GNAQ: variants seen among roughly 807,000 people sequenced by gnomAD.
GNAQ encodes G protein subunit alpha q.
Under a neutral mutation model 43.9 loss-of-function variants are expected in GNAQ, and 8 were observed. The observed-to-expected ratio is 0.18, with a 90% confidence interval of 0.11 to 0.33. The LOEUF (loss-of-function observed/expected upper bound fraction) is 0.33. Among genes scored for constraint, GNAQ ranks in the 10% least tolerant of loss-of-function variants. The pLI, the probability that GNAQ is intolerant of heterozygous loss-of-function variation, is 1.00. For synonymous variants in GNAQ, 155 were observed against 170.7 expected (o/e 0.91, Z 0.71); for missense variants, 158 against 450.8 (o/e 0.35, Z 5.88).
chr9:77,933,537 C>T (rs909090319), intron 1 of GNAQ, among the ~76,000 whole-genome samples: 2 of 151,636 alleles, frequency 1.3e-5, no homozygotes, highest in Admixed American at 6.6e-5. Context: ...CCCAGACACT[C>T]GGGAGGCTGA....
intron 1 of GNAQ, among the ~76,000 whole-genome samples, chr9:77,947,278 C>A (rs1217079987): frequency 1.3e-5 from 2 of 152,198 alleles, no homozygotes; most frequent in Non-Finnish European, 2.9e-5. Context: ...GCTATTTCCA[C>A]AAGGAGGCAA....
chr9:77,819,107 C>G (rs1435315369), intron 2 of GNAQ, among the ~76,000 whole-genome samples: 1 of 146,460 alleles, frequency 6.8e-6, no homozygotes, highest in East Asian at 2.1e-4. Flanking sequence ...TTTTAAGTTA[C>G]AGTTAAAATA....
intron 2 of GNAQ, among the ~76,000 whole-genome samples, chr9:77,840,156 G>A (rs1315518455): frequency 6.6e-6 from 1 of 152,160 alleles, no homozygotes; most frequent in East Asian, 1.9e-4. Flanking sequence ...AGTGTATTCA[G>A]TAAATGGTTG....
intron 5 of GNAQ, among the ~76,000 whole-genome samples, chr9:77,744,776 G>T (rs1185107649): frequency 2.6e-5 from 4 of 152,024 alleles, no homozygotes; most frequent in Non-Finnish European, 5.9e-5. Context: ...AACTGAAAAT[G>T]ACTCAACACT....
chr9:77,959,005 T>C (rs1238977830), intron 1 of GNAQ, among the ~76,000 whole-genome samples: 1 of 152,188 alleles, frequency 6.6e-6, no homozygotes, highest in African/African-American at 2.4e-5. Flanking sequence ...GAAATGAGCA[T>C]TTTATTGTGC....
At chr9:77,776,094 C>T (rs1295413547) in intron 5 of GNAQ, among the ~76,000 whole-genome samples, 2 of 152,154 alleles carry the variant, frequency 1.3e-5, no homozygotes, top group Non-Finnish European at 2.9e-5. Flanking sequence ...CTTGCAACAA[C>T]ATAACATTTA....
chr9:77,992,525 A>C (rs1823520690), intron 1 of GNAQ, among the ~76,000 whole-genome samples: 1 of 152,194 alleles, frequency 6.6e-6, no homozygotes, highest in African/African-American at 2.4e-5. Flanking sequence ...AAGACCCAAA[A>C]GTATAAAAAA....
intron 1 of GNAQ, among the ~76,000 whole-genome samples, chr9:77,936,959 G>C (rs1239987810): frequency 6.6e-6 from 1 of 152,122 alleles, no homozygotes; most frequent in Non-Finnish European, 1.5e-5. Flanking sequence ...CAATGATGAA[G>C]TATTCTTCTT....
chr9:77,788,822 G>A (rs188381104), intron 5 of GNAQ, among the ~76,000 whole-genome samples: 9 of 152,292 alleles, frequency 5.9e-5, no homozygotes, highest in Admixed American at 2.6e-4. Context: ...TTATGGCACT[G>A]TCACTGAGGG....
At chr9:77,863,377 T>C (rs1246217420) in intron 2 of GNAQ, among the ~76,000 whole-genome samples, 1 of 152,190 alleles carries the variant, frequency 6.6e-6, no homozygotes, top group Admixed American at 6.5e-5. Flanking sequence ...TCACCTTTGC[T>C]CCAGTTCCCA....
chr9:77,763,141 CAAAAA>C (rs34812363), intron 5 of GNAQ, among the ~76,000 whole-genome samples: 1,944 of 64,892 alleles, frequency 0.03, 28 homozygotes, highest in African/African-American at 0.054. Flanking sequence ...AACAAACAAA[CAAAAA>C]AAAAAAAAAC....
intron 5 of GNAQ, among the ~76,000 whole-genome samples, chr9:77,778,675 T>C (rs1260507072): frequency 2.0e-5 from 3 of 151,844 alleles, no homozygotes; most frequent in Non-Finnish European, 2.9e-5. Flanking sequence ...ACCACATACA[T>C]TGTCTATAAT....
At chr9:77,987,436 G>C (rs887334111) in intron 1 of GNAQ, among the ~76,000 whole-genome samples, 1 of 152,160 alleles carries the variant, frequency 6.6e-6, no homozygotes, top group African/African-American at 2.4e-5. Context: ...CAGACACTCT[G>C]ATTCACTCTT....
chr9:77,829,083 A>T (rs57130120), intron 2 of GNAQ, among the ~76,000 whole-genome samples: 18,794 of 152,128 alleles, frequency 0.12, 1,273 homozygotes, highest in East Asian at 0.3. Flanking sequence ...TGCTGGGGCC[A>T]TTCATGGAAC....
chr9:77,909,282 T>C (rs573415601), intron 2 of GNAQ, among the ~76,000 whole-genome samples: 3 of 152,316 alleles, frequency 2.0e-5, no homozygotes, highest in East Asian at 1.9e-4. Flanking sequence ...GTTCCATTAA[T>C]ACAATCAAAC....
chr9:78,031,501 G>C lies in GNAQ; in HGVS notation c.-266C>G, dbSNP rs1824060649. On this transcript the variant is annotated 5_prime_UTR_variant, in exon 1 of 7. Transcript: ENST00000286548. The stretch of plus-strand genomic sequence containing the variant: ...GCGGGAGGCGGGCGCTGGCTCGGGG[G>C]GCGCGTGAGAGAAGGCCGCCGCGCC... The C allele has an allele frequency of 6.0e-6, 1 of 166,460 alleles. No homozygotes were observed. Among genetic ancestry groups the C allele is most frequent in the Non-Finnish European group, 1.3e-5 (1 of 76,722 alleles). The allele number at this position is 166,460 out of a possible 1,614,324, so 10.3% of individuals were successfully genotyped here.
intron 1 of GNAQ, among the ~76,000 whole-genome samples, chr9:77,993,037 A>C (rs1823527967): frequency 6.6e-6 from 1 of 152,206 alleles, no homozygotes. Context: ...TCCTCTACAA[A>C]ACACATTCCA....
chr9:77,981,696 ATTAT>A (rs1823370770), intron 1 of GNAQ, among the ~76,000 whole-genome samples: 2 of 152,246 alleles, frequency 1.3e-5, no homozygotes, highest in South Asian at 4.1e-4. Context: ...AAATTTCATG[ATTAT>A]TTCTCATGTC....
chr9:78,003,823 A>G (rs1459701777), intron 1 of GNAQ, among the ~76,000 whole-genome samples: 1 of 152,046 alleles, frequency 6.6e-6, no homozygotes, highest in Non-Finnish European at 1.5e-5. Flanking sequence ...AAAAAAAAAA[A>G]AAAGAAAAAA....
Sources: gnomAD v4.1 joint callset for allele counts (sites outside exome capture counted in the v4.1 genomes callset) on GRCh38, gnomAD v4.1.1 for gene constraint, MANE v1.5 for transcripts, NCBI Gene and HGNC (gene_info 2026-07-23, HGNC 2026-07-21) for gene names.